CRYBG1: variants seen among roughly 807,000 people sequenced by gnomAD.
CRYBG1 encodes beta/gamma crystallin domain-containing protein 1.
In CRYBG1, 139 loss-of-function variants were observed where a neutral mutation model predicts 189.2. That is an observed-to-expected ratio of 0.73 (90% CI 0.64 to 0.85). CRYBG1 has a LOEUF of 0.85. Ranked by LOEUF, CRYBG1 falls within the 40% of genes least tolerant of loss-of-function variation. CRYBG1 has a pLI of 0.00. For synonymous variants in CRYBG1, 1,023 were observed against 1,017.1 expected, an observed-to-expected ratio of 1.01 and a Z score of -0.11; for missense variants, 2,611 against 2,675.8, an observed-to-expected ratio of 0.98 and a Z score of 0.53.
intron 2 of CRYBG1, among the ~76,000 whole-genome samples, chr6:106,505,802 C>T (rs572051600): frequency 6.6e-6 from 1 of 151,358 alleles, no homozygotes; most frequent in Non-Finnish European, 1.5e-5. Context: ...ATGTTGTGAA[C>T]AAGTAACATG....
At chr6:106,555,438 C>T (rs1355698082) in intron 16 of CRYBG1, among the ~76,000 whole-genome samples, 1 of 152,044 alleles carries the variant, frequency 6.6e-6, no homozygotes, top group African/African-American at 2.4e-5. Context: ...AAGGATTATT[C>T]AAAAAGGACT....
Position 106,381,708 on chromosome 6 carries a change from G to A in CRYBG1, c.173+20627G>A, listed in dbSNP as rs1198265324. Reference sequence around the variant, plus strand: ...TATGCCGTCTTTGGGGAGAGGAGCTGGAGTATTAAAACACCAAGTTCTGCC... The same window carrying A: ...TATGCCGTCTTTGGGGAGAGGAGCTAGAGTATTAAAACACCAAGTTCTGCC... On this transcript the variant is annotated intron_variant, in intron 1 of 21. Transcript: ENST00000633556. Among the ~76,000 whole-genome samples, 6 of 152,314 alleles carry A rather than the reference G, an allele frequency of 3.9e-5. No homozygotes were observed. In the East Asian group the frequency reaches 1.2e-3, roughly 29 times the overall value.
chr6:106,411,275 G>T (rs1770923745), intron 1 of CRYBG1, among the ~76,000 whole-genome samples: 1 of 152,126 alleles, frequency 6.6e-6, no homozygotes. Flanking sequence ...GACTAATATT[G>T]ACCTACTTTT....
intron 1 of CRYBG1, among the ~76,000 whole-genome samples, chr6:106,409,207 A>G (rs558459779): frequency 1.3e-5 from 2 of 152,342 alleles, no homozygotes; most frequent in African/African-American, 2.4e-5. Context: ...CAAAAATCAC[A>G]AGCATTCCTA....
intron 1 of CRYBG1, among the ~76,000 whole-genome samples, chr6:106,407,665 A>G (rs759838874): frequency 8.5e-5 from 13 of 152,266 alleles, no homozygotes; most frequent in Non-Finnish European, 1.5e-4. Flanking sequence ...AATGGAAATC[A>G]TAACAAACAG....
At position 106,512,672 on chromosome 6, in the gene CRYBG1, AGCCGTGCCCTCGAG is replaced by A. The variant is rs1773314985; in HGVS notation, c.1565_1578del (p.Leu522ArgfsTer92). 3.8e-6 allele frequency: 6 copies of A among 1,569,026 alleles called. No individual in the cohort carries two copies. The highest frequency in any genetic ancestry group is 3.5e-6 in the Non-Finnish European group (4 of 1,158,124). ...GTCCCCCACGAAGAGGAAGGGCAGG[AGCCGTGCCCTCGAG>A]GCCGTGCCCGCCCCGCCCGCCAGCG... On this transcript the variant is annotated frameshift_variant, in exon 3 of 22. Transcript: ENST00000633556. LOFTEE classifies it high-confidence loss of function.
chr6:106,410,777 G>A (rs948806747), intron 1 of CRYBG1, among the ~76,000 whole-genome samples: 3 of 152,080 alleles, frequency 2.0e-5, no homozygotes, highest in East Asian at 3.9e-4. Context: ...AACCAAACAC[G>A]CATATTCTCA....
At chr6:106,373,598 T>G (rs187361360) in intron 1 of CRYBG1, among the ~76,000 whole-genome samples, 313 of 152,360 alleles carry the variant, frequency 2.1e-3, no homozygotes, top group Non-Finnish European at 2.7e-3. Context: ...TTTTCATGTA[T>G]GTGAGTTTTA....
chr6:106,537,620 T>C (rs1298770509), intron 8 of CRYBG1, among the ~76,000 whole-genome samples: 1 of 152,172 alleles, frequency 6.6e-6, no homozygotes, highest in Non-Finnish European at 1.5e-5. Context: ...AAAAGGTACA[T>C]AAACCCTAAA....
chr6:106,424,223 A>G (rs183929830), intron 1 of CRYBG1, among the ~76,000 whole-genome samples: 1 of 152,336 alleles, frequency 6.6e-6, no homozygotes, highest in East Asian at 1.9e-4. Flanking sequence ...AAAACACAAT[A>G]AAATGTATTT....
chr6:106,400,025 A>T (rs1266779596), intron 1 of CRYBG1, among the ~76,000 whole-genome samples: 1 of 150,826 alleles, frequency 6.6e-6, no homozygotes, highest in African/African-American at 2.4e-5. Context: ...AAGCCCAGCT[A>T]CTCGGGAGGC....
intron 1 of CRYBG1, among the ~76,000 whole-genome samples, chr6:106,369,701 A>C (rs1176883860): frequency 6.6e-6 from 1 of 152,238 alleles, no homozygotes; most frequent in Admixed American, 6.5e-5. Flanking sequence ...CTGTGAAAAC[A>C]TTGTTTCCCA....
At chr6:106,490,401 G>A (rs1033984880) in intron 2 of CRYBG1, among the ~76,000 whole-genome samples, 5 of 152,178 alleles carry the variant, frequency 3.3e-5, no homozygotes, top group African/African-American at 9.7e-5. Context: ...GGAACTAATC[G>A]AAACCTAATA....
chr6:106,444,811 A>C (rs536859545), intron 1 of CRYBG1, among the ~76,000 whole-genome samples: 2 of 152,320 alleles, frequency 1.3e-5, no homozygotes, highest in South Asian at 4.1e-4. Flanking sequence ...TGCACCACAC[A>C]GCATATTGGG....
chr6:106,415,007 CT>C (rs200752522), intron 1 of CRYBG1, among the ~76,000 whole-genome samples: 2 of 151,996 alleles, frequency 1.3e-5, no homozygotes, highest in South Asian at 2.1e-4. Flanking sequence ...AAATCCTCTT[CT>C]TTTTTTTCAC....
chr6:106,427,743 C>T (rs1771255493), intron 1 of CRYBG1, among the ~76,000 whole-genome samples: 1 of 152,038 alleles, frequency 6.6e-6, no homozygotes, highest in South Asian at 2.1e-4. Context: ...ATGGTGTTTT[C>T]CCCCTGCTCA....
intron 17 of CRYBG1, 50 bp from the exon 18 acceptor site, chr6:106,558,436 G>C (rs1464501395): frequency 7.0e-7 from 1 of 1,430,248 alleles, no homozygotes. Flanking sequence ...ACATAAGTTT[G>C]AATTATTAAC....
chr6:106,390,675 G>A (rs1472308933), intron 1 of CRYBG1, among the ~76,000 whole-genome samples: 1 of 151,918 alleles, frequency 6.6e-6, no homozygotes, highest in Non-Finnish European at 1.5e-5. Flanking sequence ...CATCTCATTG[G>A]AATCATATGA....
intron 17 of CRYBG1, 134 bp downstream of exon 17, chr6:106,556,031 T>C: frequency 2.1e-6 from 2 of 968,238 alleles, no homozygotes; most frequent in Non-Finnish European, 3.1e-6. Context: ...TCCATTTGGC[T>C]CTGTGTACAT....
Sources: allele counts gnomAD v4.1 joint callset (sites outside exome capture counted in the v4.1 genomes callset), GRCh38; gene constraint gnomAD v4.1.1; transcripts MANE v1.5; gene names NCBI Gene and HGNC (gene_info 2026-07-23, HGNC 2026-07-21).